GPATCH2L: variants seen among roughly 807,000 people sequenced by gnomAD.
GPATCH2L encodes the protein G-patch domain containing 2 like.
Under a neutral mutation model 57.4 loss-of-function variants are expected in GPATCH2L, and 31 were observed. The observed-to-expected ratio is 0.54, with a 90% CI of 0.41 to 0.73. The LOEUF (loss-of-function observed/expected upper bound fraction) is 0.73, where lower values mean the gene tolerates loss of function less well. GPATCH2L is among the 30% of genes least tolerant of loss of function. GPATCH2L has a pLI of 0.00. For synonymous variants in GPATCH2L, 199 were observed against 210.7 expected (o/e 0.94, Z 0.48); for missense variants, 481 against 599.9 (o/e 0.80, Z 2.07).
chr14:76,159,746 C>T (rs2038485190), intron 2 of GPATCH2L, among the ~76,000 whole-genome samples: 1 of 152,168 alleles, frequency 6.6e-6, no homozygotes, highest in African/African-American at 2.4e-5. Context: ...TACCCTATAA[C>T]TGCTTCCTAC....
chr14:76,211,692 A>G lies in GPATCH2L; in HGVS notation c.*9841A>G, dbSNP rs2139848028. On this transcript the variant is annotated 3_prime_UTR_variant, in exon 10 of 10. Transcript: ENST00000261530. Reference sequence around the variant, plus strand: ...AATAAATTTGTGTTGATCTATTTACACCTTTTGGACTGAACACCTTAGCAA... The same window carrying G: ...AATAAATTTGTGTTGATCTATTTACGCCTTTTGGACTGAACACCTTAGCAA... 1 of 152,170 alleles carries G rather than the reference A, an allele frequency of 6.6e-6. No individual in the cohort carries two copies. Among genetic ancestry groups the G allele is most frequent in the Non-Finnish European group, 1.5e-5 (1 of 67,994 alleles). 9.4% of individuals were successfully genotyped at this position (152,170 alleles called of 1,614,324 possible).
chr14:76,161,147 C>G (rs2139585283), intron 2 of GPATCH2L, among the ~76,000 whole-genome samples: 1 of 152,232 alleles, frequency 6.6e-6, no homozygotes. Context: ...TACCAGTGTG[C>G]CACCTCTACC....
chr14:76,198,352 G>GA (rs1300858266), intron 9 of GPATCH2L, among the ~76,000 whole-genome samples: 2 of 151,498 alleles, frequency 1.3e-5, no homozygotes, highest in South Asian at 2.1e-4. Flanking sequence ...AGTCAGAAAA[G>GA]AAAAAAAAGA....
chr14:76,162,117 A>G (rs772445239), intron 2 of GPATCH2L, among the ~76,000 whole-genome samples: 1 of 89,420 alleles, frequency 1.1e-5, no homozygotes, highest in Non-Finnish European at 2.6e-5. Flanking sequence ...ACTTAGCTGG[A>G]TGGTTCTGGT....
chr14:76,233,568 C>T lies in GPATCH2L; in HGVS notation c.*117+3615C>T, dbSNP rs181807133. Among the ~76,000 whole-genome samples, 15 of 152,250 alleles carry T rather than the reference C, an allele frequency of 9.9e-5. No individual in the cohort carries two copies. The East Asian group carries it at 1.3e-3, about 14-fold the overall frequency. On this transcript the variant is annotated intron_variant and NMD_transcript_variant, in intron 2 of 3. Coordinates refer to the GPATCH2L transcript ENST00000556372. ...CAACTCCTGGGAATTCTACCTCATCCGCAGCCCCACCTTCTTCTCCCACTG... is the reference window on the plus strand; with the variant it reads ...CAACTCCTGGGAATTCTACCTCATCTGCAGCCCCACCTTCTTCTCCCACTG...
rs756043705 is a variant in GPATCH2L at position 76,176,675 on chromosome 14, A to G, written c.1037A>G (p.Asp346Gly). The stretch of plus-strand genomic sequence containing the variant: ...GAGAGGATAAGCCATATCATTAGTG[A>G]CCCTCGGCAGAAAGAGTAAGTGCTT... ...GTERISHIIS[D>G]PRQKEKNKAL... Residue 346 changes from aspartate (D) to glycine (G), a missense_variant, in exon 6 of 10, where the codon GAC becomes GGC. Asp to Gly is a moderately conservative substitution (Grantham distance 94, BLOSUM62 -1). Around this residue, in one of 3 missense-constraint regions of GPATCH2L, gnomAD observed 248 missense variants for 270.5 expected, o/e 0.92. Transcript: ENST00000261530. 1.2e-6 allele frequency: 2 copies of G among 1,608,596 alleles called. 1 individual carries two copies. Among genetic ancestry groups the G allele is most frequent in the South Asian group, 2.2e-5 (2 of 90,940 alleles).
intron 8 of GPATCH2L, among the ~76,000 whole-genome samples, chr14:76,181,980 A>G (rs2039576205): frequency 6.6e-6 from 1 of 152,190 alleles, no homozygotes; most frequent in South Asian, 2.1e-4. Flanking sequence ...ACCATAACCT[A>G]CTGCCAGGTC....
intron 6 of GPATCH2L, 61 bp downstream of exon 6, chr14:76,176,751 G>T (rs1433748005): frequency 3.0e-6 from 3 of 1,008,588 alleles, no homozygotes; most frequent in Admixed American, 3.5e-5. Flanking sequence ...AGGCAGAGGG[G>T]AGTTTTATGG....
chr14:76,158,207 A>AGGCT (rs2038401523), intron 2 of GPATCH2L, among the ~76,000 whole-genome samples: 1 of 152,086 alleles, frequency 6.6e-6, no homozygotes, highest in Non-Finnish European at 1.5e-5. Flanking sequence ...GATGTATTAG[A>AGGCT]GGCTGATCTC....
At chr14:76,229,487 G>A (rs2040550931) in intron 1 of GPATCH2L, among the ~76,000 whole-genome samples, 1 of 152,086 alleles carries the variant, frequency 6.6e-6, no homozygotes, top group Admixed American at 6.5e-5. Flanking sequence ...GTGTTTTCTT[G>A]TACTTTACCA....
At chr14:76,179,816 A>G (rs1291766672) in intron 7 of GPATCH2L, 3 of 152,118 alleles carry the variant, frequency 2.0e-5, no homozygotes, top group Non-Finnish European at 2.9e-5. Context: ...AGTCAAATAG[A>G]TGTTTTGCAG....
intron 2 of GPATCH2L, among the ~76,000 whole-genome samples, chr14:76,162,471 C>T (rs12100883): frequency 0.11 from 17,483 of 152,172 alleles, 1,038 homozygotes; most frequent in Admixed American, 0.15. Context: ...ATCAGTTATA[C>T]AGACCATCCT....
Position 76,210,016 on chromosome 14 carries a change from A to C in GPATCH2L, c.*8165A>C, listed in dbSNP as rs2139844893. Reference sequence around the variant, plus strand: ...CCAGTCACTGATTGAACAAACATTTACTGAACACTGATGAAGCGAAGTCCT... The same window carrying C: ...CCAGTCACTGATTGAACAAACATTTCCTGAACACTGATGAAGCGAAGTCCT... On this transcript the variant is annotated 3_prime_UTR_variant, in exon 10 of 10. Transcript: ENST00000261530. The C allele has an allele frequency of 6.6e-6, 1 of 152,340 alleles. No homozygotes were observed. The highest frequency in any genetic ancestry group is 1.9e-4 in the East Asian group (1 of 5,176). The allele number at this position is 152,340 out of a possible 1,614,324, so 9.4% of individuals were successfully genotyped here.
intron 8 of GPATCH2L, among the ~76,000 whole-genome samples, chr14:76,187,861 C>T (rs1239654753): frequency 2.0e-5 from 3 of 152,002 alleles, no homozygotes; most frequent in African/African-American, 7.2e-5. Flanking sequence ...CATTCCCCAC[C>T]ACCCTCATTA....
intron 8 of GPATCH2L, among the ~76,000 whole-genome samples, chr14:76,189,995 C>T (rs1029450787): frequency 1.3e-5 from 2 of 152,148 alleles, no homozygotes; most frequent in Admixed American, 6.6e-5. Context: ...CATTCGCAGA[C>T]AGACTGTTTT....
chr14:76,177,697 GT>G lies in GPATCH2L; in HGVS notation c.1053-282del, dbSNP rs137962368. 1.8e-3 allele frequency among the ~76,000 whole-genome samples: 225 copies of G among 127,390 alleles called. 4 individuals are homozygous for G. The highest frequency in any genetic ancestry group is 6.6e-3 in the African/African-American group (217 of 32,764). The allele number at this position is 127,390 out of a possible 152,430, so 83.6% of individuals were successfully genotyped here. ...TTACAAGCCTTTTTCCTTTGAAGAG[GT>G]TTTTTTTTGTTTTTGTTTTTGCAAA... On this transcript the variant is annotated intron_variant, in intron 6 of 9. Coordinates refer to ENST00000261530, the MANE Select transcript of GPATCH2L (RefSeq NM_017926.4).
In GPATCH2L at chr14:76,188,760, T is replaced by C. The variant is rs571902716; in HGVS notation, c.1194-7118T>C. Among the ~76,000 whole-genome samples the C allele has an allele frequency of 2.6e-5, 4 of 152,242 alleles. No individual in the cohort carries two copies. In the South Asian group the frequency reaches 6.2e-4, roughly 24 times the overall value. On this transcript the variant is annotated intron_variant, in intron 8 of 9. Coordinates refer to ENST00000261530, the MANE Select transcript of GPATCH2L (RefSeq NM_017926.4). ...CTTGGTTGTTGTGATTGTGGGGTAT[T>C]ACTCAAAAAATTTTTGCCCAGACGA...
intron 9 of GPATCH2L, among the ~76,000 whole-genome samples, chr14:76,197,443 G>T (rs1594990557): frequency 6.6e-6 from 1 of 152,108 alleles, no homozygotes; most frequent in Non-Finnish European, 1.5e-5. Flanking sequence ...GTGGGGGTGG[G>T]TATTAAACAA....
At chr14:76,152,976 G>A (rs915209174) in intron 1 of GPATCH2L, 3 of 353,054 alleles carry the variant, frequency 8.5e-6, no homozygotes, top group South Asian at 2.2e-5. Flanking sequence ...CTTTTCACAG[G>A]TGTTGATAAA....
Sources: allele counts gnomAD v4.1 joint callset (sites outside exome capture counted in the v4.1 genomes callset), GRCh38; gene constraint gnomAD v4.1.1; regional missense constraint gnomAD v4.1.1; transcripts MANE v1.5; gene names NCBI Gene and HGNC (gene_info 2026-07-23, HGNC 2026-07-21).